The following FGGY variants were observed in gnomAD, a reference collection of about 807,000 sequenced individuals.
The protein encoded by FGGY is FGGY carbohydrate kinase domain containing, also known as FGGY carbohydrate kinase domain-containing protein.
In FGGY, 72 loss-of-function variants were observed where a neutral mutation model predicts 71.3. The observed-to-expected ratio is 1.01, with a 90% confidence interval of 0.84 to 1.23. The LOEUF (loss-of-function observed/expected upper bound fraction) is 1.23. Ranked by LOEUF, FGGY falls within the 50% of genes most tolerant of loss-of-function variation. The pLI, the probability that FGGY is intolerant of heterozygous loss-of-function variation, is 0.00. For synonymous variants in FGGY, 251 were observed against 250.3 expected, an observed-to-expected ratio of 1.00 and a Z score of -0.02; for missense variants, 668 against 682.3, an observed-to-expected ratio of 0.98 and a Z score of 0.23.
intron 5 of FGGY, among the ~76,000 whole-genome samples, chr1:59,447,503 G>A (rs2071567304): frequency 6.6e-6 from 1 of 152,068 alleles, no homozygotes; most frequent in African/African-American, 2.4e-5. Flanking sequence ...CCTATCTAAG[G>A]GTGGATGCTA....
At position 59,370,847 on chromosome 1, in the gene FGGY, A is replaced by G. The variant is rs547366584; in HGVS notation, c.466-7902A>G. Among the ~76,000 whole-genome samples, 23 of 152,166 alleles carry G rather than the reference A, an allele frequency of 1.5e-4. No homozygotes were observed. The East Asian group carries it at 4.4e-3, about 29-fold the overall frequency. On this transcript the variant is annotated intron_variant, in intron 4 of 15. Transcript: ENST00000303721. ...GGAGAAATAAAATACTTTACAGACA[A>G]GCAAATGCTGAGAGATTTTGTCACC...
At position 59,437,813 on chromosome 1, in the gene FGGY, G is replaced by C. The variant is rs145354654; in HGVS notation, c.555-19148G>C. ...TAGTATTGGGTTAAGGGAACTAACT[G>C]TTTTGAGGGAATCTGAGCCAATTTA... On this transcript the variant is annotated intron_variant, in intron 5 of 15. Transcript: ENST00000303721. Among the ~76,000 whole-genome samples, 30 of 152,312 alleles carry C rather than the reference G, an allele frequency of 2.0e-4. No individual in the cohort carries two copies. The East Asian group carries it at 2.1e-3, about 11-fold the overall frequency.
chr1:59,388,190 G>C (rs2060297397), intron 5 of FGGY, among the ~76,000 whole-genome samples: 1 of 152,052 alleles, frequency 6.6e-6, no homozygotes, highest in Admixed American at 6.6e-5. Flanking sequence ...CCTATCTCAA[G>C]TCTAGCAGCT....
At chr1:59,533,560 A>G (rs1214308515) in intron 7 of FGGY, among the ~76,000 whole-genome samples, 1 of 151,904 alleles carries the variant, frequency 6.6e-6, no homozygotes, top group Admixed American at 6.6e-5. Context: ...GAACAGACAA[A>G]AAGACAGCAG....
At chr1:59,646,207 G>C (rs999883139) in intron 11 of FGGY, among the ~76,000 whole-genome samples, 5 of 152,230 alleles carry the variant, frequency 3.3e-5, no homozygotes, top group Non-Finnish European at 7.3e-5. Context: ...AAGCTCATGA[G>C]CTAATTGAAG....
At chr1:59,323,305 C>T (rs1326796469) in intron 2 of FGGY, among the ~76,000 whole-genome samples, 1 of 152,200 alleles carries the variant, frequency 6.6e-6, no homozygotes, top group Non-Finnish European at 1.5e-5. Context: ...TTTTAATCAT[C>T]TCCCAGTGGT....
chr1:59,610,665 G>T (rs988536930), intron 9 of FGGY, among the ~76,000 whole-genome samples: 21 of 152,316 alleles, frequency 1.4e-4, no homozygotes, highest in African/African-American at 5.1e-4. Flanking sequence ...GACAGTGGGT[G>T]CAGGACAGTG....
chr1:59,756,349 C>T (rs1574072644), intron 14 of FGGY, among the ~76,000 whole-genome samples: 2 of 152,190 alleles, frequency 1.3e-5, no homozygotes, highest in African/African-American at 4.8e-5. Flanking sequence ...ATGTCTAGTT[C>T]AGAATGCACA....
intron 7 of FGGY, among the ~76,000 whole-genome samples, chr1:59,528,759 G>T (rs1301394132): frequency 6.6e-6 from 1 of 152,124 alleles, no homozygotes; most frequent in East Asian, 1.9e-4. Context: ...CTTCTGGATT[G>T]AGGCCTCTCA....
intron 14 of FGGY, among the ~76,000 whole-genome samples, chr1:59,743,008 C>G (rs1481710933): frequency 6.6e-6 from 1 of 152,146 alleles, no homozygotes; most frequent in Non-Finnish European, 1.5e-5. Flanking sequence ...TTGCTTAAAA[C>G]TCTCCAGTGG....
chr1:59,419,869 A>G (rs1051573205), intron 5 of FGGY, among the ~76,000 whole-genome samples: 6 of 152,166 alleles, frequency 3.9e-5, no homozygotes, highest in African/African-American at 1.4e-4. Flanking sequence ...CTTTGAGTAC[A>G]CAGCATATTT....
At chr1:59,540,780 A>G (rs1175504882) in intron 7 of FGGY, among the ~76,000 whole-genome samples, 1 of 152,198 alleles carries the variant, frequency 6.6e-6, no homozygotes. Context: ...AACGGAGAGG[A>G]GGAGGTGAGT....
intron 8 of FGGY, 81 bp from the exon 9 acceptor site, chr1:59,607,722 G>C: frequency 3.7e-6 from 4 of 1,093,776 alleles, no homozygotes; most frequent in Non-Finnish European, 4.1e-6. Context: ...GAATTCCATG[G>C]TCATAGAAAT....
chr1:59,545,668 C>CAG (rs35997875), intron 7 of FGGY, among the ~76,000 whole-genome samples: 25,614 of 152,074 alleles, frequency 0.17, 2,573 homozygotes, highest in South Asian at 0.34. Context: ...GAAGGAGAAA[C>CAG]AGGAGTGAGA....
At chr1:59,485,350 T>C (rs6693119) in intron 6 of FGGY, among the ~76,000 whole-genome samples, 69,279 of 152,006 alleles carry the variant, frequency 0.46, 16,212 homozygotes, top group African/African-American at 0.55. Context: ...ATGTGTCCTG[T>C]GGGATTCCTG....
At position 59,591,340 on chromosome 1, in the gene FGGY, G is replaced by A. The variant is rs553750437; in HGVS notation, c.904-16463G>A. ...CCATGCTCATGGGTAGGAAGAATCAGTATCGTGAAAATGGCCATACTGCCC... is the reference window on the plus strand; with the variant it reads ...CCATGCTCATGGGTAGGAAGAATCAATATCGTGAAAATGGCCATACTGCCC... On this transcript the variant is annotated intron_variant, in intron 8 of 15. Transcript: ENST00000303721. Among the ~76,000 whole-genome samples, 6 of 152,216 alleles carry A rather than the reference G, an allele frequency of 3.9e-5. No homozygotes were observed. The East Asian group carries it at 7.7e-4, about 20-fold the overall frequency.
In FGGY at chr1:59,642,019, C is replaced by G. The variant is rs548484612; in HGVS notation, c.1221+3644C>G. On this transcript the variant is annotated intron_variant, in intron 11 of 15. Transcript: ENST00000303721. Reference sequence around the variant, plus strand: ...CCCCACAACCCTGTTCCCAGCCACTCTTTCAGTTCATTCCATTTGAAAACT... The same window carrying G: ...CCCCACAACCCTGTTCCCAGCCACTGTTTCAGTTCATTCCATTTGAAAACT... Among the ~76,000 whole-genome samples, 202 of 152,266 alleles carry G rather than the reference C, an allele frequency of 1.3e-3. 1 individual carries two copies. Among genetic ancestry groups the G allele is most frequent in the Non-Finnish European group, 2.5e-3 (170 of 68,016 alleles).
chr1:59,456,919 C>A, intron 5 of FGGY, 42 bp from the exon 6 acceptor site: 1 of 1,437,516 alleles, frequency 7.0e-7, no homozygotes, highest in South Asian at 1.2e-5. Flanking sequence ...GGAAGCCTCA[C>A]TCATATGGTC....
chr1:59,441,436 C>T (rs551412414), intron 5 of FGGY, among the ~76,000 whole-genome samples: 5 of 152,278 alleles, frequency 3.3e-5, no homozygotes, highest in East Asian at 1.9e-4. Context: ...TCATTTAGTT[C>T]GGATAATGGC....
Sources: allele counts gnomAD v4.1 joint callset (sites outside exome capture counted in the v4.1 genomes callset), GRCh38; gene constraint gnomAD v4.1.1; transcripts MANE v1.5; gene names NCBI Gene and HGNC (gene_info 2026-07-23, HGNC 2026-07-21).